The following ASIC2 variants were observed in gnomAD, a reference collection of about 807,000 sequenced individuals.
The protein encoded by ASIC2 is acid sensing ion channel subunit 2, also known as acid-sensing ion channel 2.
In ASIC2, 25 loss-of-function variants were observed where a neutral mutation model predicts 57.3. The observed-to-expected ratio is 0.44, with a 90% CI of 0.32 to 0.61. ASIC2 has a LOEUF of 0.61. ASIC2 is among the 20% of genes least tolerant of loss of function. The probability of loss-of-function intolerance (pLI) is 0.06; values close to 1 mark genes in which losing one functional copy is unlikely to be tolerated. For missense variants in ASIC2, 641 were observed against 738.1 expected, an observed-to-expected ratio of 0.87 and a Z score of 1.52; for synonymous variants, 319 against 307.5, an observed-to-expected ratio of 1.04 and a Z score of -0.39.
intron 1 of ASIC2, among the ~76,000 whole-genome samples, chr17:34,043,964 T>C (rs1908232099): frequency 6.6e-6 from 1 of 152,122 alleles, no homozygotes; most frequent in African/African-American, 2.4e-5. Flanking sequence ...AGGCACACAA[T>C]ACAAAATTGG....
chr17:33,747,151 A>G (rs1910292268), intron 1 of ASIC2, among the ~76,000 whole-genome samples: 1 of 151,612 alleles, frequency 6.6e-6, no homozygotes, highest in Non-Finnish European at 1.5e-5. Context: ...ACAGGTATAA[A>G]GTTCTACTAT....
chr17:33,403,888 C>A (rs149697379), intron 1 of ASIC2, among the ~76,000 whole-genome samples: 33 of 152,298 alleles, frequency 2.2e-4, no homozygotes, highest in African/African-American at 6.7e-4. Context: ...GCAGCTGGGA[C>A]ATCAGAAAGA....
intron 1 of ASIC2, among the ~76,000 whole-genome samples, chr17:33,509,513 TGACA>T (rs1174197702): frequency 6.6e-6 from 1 of 152,210 alleles, no homozygotes; most frequent in Non-Finnish European, 1.5e-5. Context: ...GCTAACAGAC[TGACA>T]GACGGCATCA....
chr17:34,009,556 T>C (rs1417930006), intron 1 of ASIC2, among the ~76,000 whole-genome samples: 1 of 152,244 alleles, frequency 6.6e-6, no homozygotes, highest in Non-Finnish European at 1.5e-5. Context: ...ATTCCACCCC[T>C]TGCTTTTAAC....
intron 1 of ASIC2, among the ~76,000 whole-genome samples, chr17:33,453,907 T>C (rs559682109): frequency 1.3e-5 from 2 of 152,318 alleles, no homozygotes; most frequent in Non-Finnish European, 2.9e-5. Context: ...GTCTGTCTTC[T>C]TTCACTCGAG....
intron 1 of ASIC2, among the ~76,000 whole-genome samples, chr17:33,920,902 C>A (rs1234872570): frequency 6.6e-6 from 1 of 152,094 alleles, no homozygotes; most frequent in Non-Finnish European, 1.5e-5. Flanking sequence ...CCCTGAGGGA[C>A]CCTCATCATC....
intron 1 of ASIC2, chr17:33,624,187 A>G (rs1905901758): frequency 6.6e-6 from 1 of 152,142 alleles, no homozygotes; most frequent in Admixed American, 6.5e-5. Context: ...GCTCTGGAGA[A>G]ATGTCAGTGT....
chr17:33,188,690 A>G (rs1255750161), intron 1 of ASIC2, among the ~76,000 whole-genome samples: 1 of 152,164 alleles, frequency 6.6e-6, no homozygotes. Context: ...CTGTTAACCT[A>G]AAATTATATA....
At chr17:33,319,697 C>A (rs1365683432) in intron 1 of ASIC2, among the ~76,000 whole-genome samples, 8 of 152,100 alleles carry the variant, frequency 5.3e-5, no homozygotes, top group Non-Finnish European at 4.4e-5. Context: ...CCACACCTAG[C>A]TAATTCTTGT....
intron 1 of ASIC2, among the ~76,000 whole-genome samples, chr17:33,797,431 G>A (rs139354425): frequency 2.0e-5 from 3 of 152,302 alleles, no homozygotes; most frequent in Non-Finnish European, 4.4e-5. Context: ...ATGGCTGGGG[G>A]AAATAGGTTA....
At chr17:33,051,768 G>A (rs2091977900) in intron 3 of ASIC2, among the ~76,000 whole-genome samples, 1 of 152,194 alleles carries the variant, frequency 6.6e-6, no homozygotes, top group South Asian at 2.1e-4. Flanking sequence ...ATAGAAGGCA[G>A]TCAATATAGC....
chr17:33,650,742 T>A (rs1216503857), intron 1 of ASIC2, among the ~76,000 whole-genome samples: 3 of 152,222 alleles, frequency 2.0e-5, no homozygotes, highest in Non-Finnish European at 4.4e-5. Flanking sequence ...GGTTACATGC[T>A]GTATGATTCC....
In ASIC2 at chr17:33,464,480, C is replaced by T. The variant is rs199741518; in HGVS notation, c.556-352413G>A. ...TTCTCTTTCTTTCTTTCTTTCTTTTCTCTCTTTCTTTCTTTCTTTCTTTCT... is the reference window on the plus strand; with the variant it reads ...TTCTCTTTCTTTCTTTCTTTCTTTTTTCTCTTTCTTTCTTTCTTTCTTTCT... On this transcript the variant is annotated intron_variant, in intron 1 of 9. Coordinates refer to the ASIC2 transcript ENST00000359872. Among the ~76,000 whole-genome samples, 7 of 73,828 alleles carry T rather than the reference C, an allele frequency of 9.5e-5. 1 individual carries two copies. In the South Asian group the frequency reaches 1.4e-3, roughly 15 times the overall value. 48.4% of individuals were successfully genotyped at this position (73,828 alleles called of 152,430 possible).
intron 1 of ASIC2, among the ~76,000 whole-genome samples, chr17:33,565,552 C>T (rs935533092): frequency 2.0e-5 from 3 of 152,208 alleles, no homozygotes; most frequent in Non-Finnish European, 4.4e-5. Flanking sequence ...AGTGCCCATG[C>T]ACGTCCTCAT....
rs527291206 is a variant in ASIC2 at position 33,724,880 on chromosome 17, G to A, written c.555+431098C>T. Among the ~76,000 whole-genome samples, 14 of 152,002 alleles carry A rather than the reference G, an allele frequency of 9.2e-5. No individual in the cohort carries two copies. In the East Asian group the frequency reaches 1.5e-3, roughly 17 times the overall value. On this transcript the variant is annotated intron_variant, in intron 1 of 9. Coordinates refer to the ASIC2 transcript ENST00000359872. The stretch of plus-strand genomic sequence containing the variant: ...CACACTCACACATTGGCTCCTTCCC[G>A]TTCATTTTTTTCTTAAAAAAGGGAA...
intron 1 of ASIC2, among the ~76,000 whole-genome samples, chr17:33,411,872 G>A (rs1910673938): frequency 6.6e-6 from 1 of 152,198 alleles, no homozygotes; most frequent in Non-Finnish European, 1.5e-5. Context: ...GGTCAAATGA[G>A]ATAAAAGTGA....
intron 1 of ASIC2, among the ~76,000 whole-genome samples, chr17:33,263,030 T>C (rs17836744): frequency 0.088 from 13,409 of 152,258 alleles, 769 homozygotes; most frequent in South Asian, 0.23. Context: ...AAATGAGCTC[T>C]TTAGAGGAAT....
intron 1 of ASIC2, among the ~76,000 whole-genome samples, chr17:33,403,788 A>G (rs575906483): frequency 6.6e-6 from 1 of 152,196 alleles, no homozygotes; most frequent in Admixed American, 6.5e-5. Context: ...GCTAGCAGAA[A>G]CCTTGGCAAT....
chr17:34,068,656 ACT>A (rs1453267508), intron 1 of ASIC2, among the ~76,000 whole-genome samples: 2 of 152,110 alleles, frequency 1.3e-5, no homozygotes, highest in Non-Finnish European at 2.9e-5. Flanking sequence ...CTCTGTCTAG[ACT>A]CTGGCATTCT....
Sources: allele counts gnomAD v4.1 joint callset (sites outside exome capture counted in the v4.1 genomes callset), GRCh38; gene constraint gnomAD v4.1.1; transcripts MANE v1.5; gene names NCBI Gene and HGNC (gene_info 2026-07-23, HGNC 2026-07-21).